Variants in OSBPL3 observed in about 807,000 individuals in gnomAD.
The protein encoded by OSBPL3 is oxysterol binding protein like 3.
Under a neutral mutation model 120.1 loss-of-function variants are expected in OSBPL3, and 65 were observed. That is an observed-to-expected ratio of 0.54 (90% CI 0.44 to 0.67). The LOEUF is 0.67. OSBPL3 is among the 30% of genes least tolerant of loss of function. The pLI is 0.00. For synonymous variants in OSBPL3, 416 were observed against 402.6 expected (o/e 1.03, Z -0.40); for missense variants, 1,004 against 1,082.1 (o/e 0.93, Z 1.01).
rs759106480 is a variant in OSBPL3, at chr7:24,834,510, C to G, written c.1722G>C (p.Gln574His). 1.2e-6 allele frequency: 2 copies of G among 1,612,268 alleles called. No homozygotes were observed. Among genetic ancestry groups the G allele is most frequent in the Admixed American group, 3.3e-5 (2 of 59,880 alleles). Residue 574 changes from glutamine to histidine, a missense_variant, in exon 15 of 23, where the codon CAG becomes CAC. By Grantham distance (24) the Gln-to-His change is conservative. Coordinates refer to ENST00000313367, the MANE Select transcript of OSBPL3 (RefSeq NM_015550.4). This position sits in a 1 kb window ranked among gnomAD's most constrained non-coding sequence, Gnocchi z 5.2. The part of the protein sequence containing the change: ...EYSELLDKAA[Q>H]IPSPLERMVY... ...CCATCCTTTCCAGGGGGCTGGGAATCTGCGCGGCCTTGTCCAGGAGCTCGC... is the reference window on the plus strand; with the variant it reads ...CCATCCTTTCCAGGGGGCTGGGAATGTGCGCGGCCTTGTCCAGGAGCTCGC...
intron 1 of OSBPL3, among the ~76,000 whole-genome samples, chr7:24,925,204 G>A (rs1230153722): frequency 1.3e-5 from 2 of 152,270 alleles, no homozygotes; most frequent in African/African-American, 2.4e-5. Flanking sequence ...CAGGCCTACC[G>A]CTGTGATAAC....
chr7:24,832,459 GA>G (rs1562792160), intron 15 of OSBPL3, among the ~76,000 whole-genome samples: 1 of 143,710 alleles, frequency 7.0e-6, no homozygotes, highest in African/African-American at 2.5e-5. Context: ...GCAGTGAGCC[GA>G]GATTGTGCCA....
In OSBPL3 at chr7:24,808,877, G is replaced by A. The variant is rs1383678767; in HGVS notation, c.2317+930C>T. Among the ~76,000 whole-genome samples the A allele has an allele frequency of 6.6e-6, 1 of 152,312 alleles. No homozygotes were observed. Among genetic ancestry groups the A allele is most frequent in the South Asian group, 2.1e-4 (1 of 4,822 alleles). On this transcript the variant is annotated intron_variant, in intron 20 of 22. Coordinates refer to ENST00000313367, the MANE Select transcript of OSBPL3 (RefSeq NM_015550.4). The surrounding 1 kb of genome is among the most constrained non-coding windows in gnomAD (Gnocchi z 4.6). The stretch of plus-strand genomic sequence containing the variant: ...AATGTTCCTGAGAAAAGAGAGGCAC[G>A]AGAGAGGAAAGCTCTTTTGTCCTCT...
intron 1 of OSBPL3, among the ~76,000 whole-genome samples, chr7:24,897,569 C>T (rs7782280): frequency 0.018 from 2,748 of 152,110 alleles, 87 homozygotes; most frequent in African/African-American, 0.062. Flanking sequence ...TCGTGATCCG[C>T]CCGCCTCGGC....
In OSBPL3 at chr7:24,938,936, A is replaced by G. The variant is rs1390948291; in HGVS notation, c.-150+40950T>C. On this transcript the variant is annotated intron_variant, in intron 1 of 22. Transcript: ENST00000313367. The surrounding 1 kb of genome is among the most constrained non-coding windows in gnomAD (Gnocchi z 5.8). Reference sequence around the variant, plus strand: ...GCAACATTATTTGACATAGTAAATGATGTGATTAATTAAGATGCAGAACAC... The same window carrying G: ...GCAACATTATTTGACATAGTAAATGGTGTGATTAATTAAGATGCAGAACAC... Among the ~76,000 whole-genome samples, 1 of 152,042 alleles carries G rather than the reference A, an allele frequency of 6.6e-6. No individual in the cohort carries two copies. The highest frequency in any genetic ancestry group is 1.5e-5 in the Non-Finnish European group (1 of 68,006).
Position 24,827,951 on chromosome 7 carries a change from T to C in OSBPL3, c.1884+2817A>G, listed in dbSNP as rs1177020550. Among the ~76,000 whole-genome samples the C allele has an allele frequency of 6.6e-6, 1 of 152,242 alleles. No homozygotes were observed. Among genetic ancestry groups the C allele is most frequent in the African/African-American group, 2.4e-5 (1 of 41,470 alleles). ...CATAAGAAAGTATATATTATAGATA[T>C]ATGCCTTTCTAGTTTTCTTTCATCA... is the stretch of plus-strand genomic sequence containing the variant. On this transcript the variant is annotated intron_variant, in intron 16 of 22. Transcript: ENST00000313367. This position sits in a 1 kb window ranked among gnomAD's most constrained non-coding sequence, Gnocchi z 5.1.
In OSBPL3 at chr7:24,816,542, C is replaced by A. The variant is rs1794494019; in HGVS notation, c.2027+68G>T. The A allele has an allele frequency of 4.7e-6, 5 of 1,053,856 alleles. No individual in the cohort carries two copies. The Admixed American group carries it at 8.7e-5, about 18-fold the overall frequency. 65.3% of individuals were successfully genotyped at this position (1,053,856 alleles called of 1,614,324 possible). A position where few individuals can be genotyped will look rare whatever the true frequency, so the allele number is the denominator to read the frequency against. Reference sequence around the variant, plus strand: ...AACTGCCGGGGGCGGGGGTGGGCATCCTGTCCCCAAAGCAAAATCTTGGCC... The same window carrying A: ...AACTGCCGGGGGCGGGGGTGGGCATACTGTCCCCAAAGCAAAATCTTGGCC... On this transcript the variant is annotated intron_variant, in intron 18 of 22. Coordinates refer to ENST00000313367, the MANE Select transcript of OSBPL3 (RefSeq NM_015550.4).
In OSBPL3 at chr7:24,817,973, T is replaced by G. The variant is rs1794672529; in HGVS notation, c.1949-1285A>C. ...GGCTGCTGCACTGAGGATCTACAGA[T>G]CACAGGGAAATCAGGGTTGAAGCAG... On this transcript the variant is annotated intron_variant, in intron 17 of 22. Transcript: ENST00000313367. This position sits in a 1 kb window ranked among gnomAD's most constrained non-coding sequence, Gnocchi z 4.0. Among the ~76,000 whole-genome samples, 1 of 152,066 alleles carries G rather than the reference T, an allele frequency of 6.6e-6. No individual in the cohort carries two copies. Among genetic ancestry groups the G allele is most frequent in the Non-Finnish European group, 1.5e-5 (1 of 68,018 alleles).
Position 24,952,772 on chromosome 7 carries a change from T to C in OSBPL3, c.-150+27114A>G, listed in dbSNP as rs1157168285. On this transcript the variant is annotated intron_variant, in intron 1 of 22. Coordinates refer to ENST00000313367, the MANE Select transcript of OSBPL3 (RefSeq NM_015550.4). The surrounding 1 kb of genome is among the most constrained non-coding windows in gnomAD (Gnocchi z 4.4). ...CATCAGCTGAATCTATAAACAAGAG[T>C]ACCATCAAGGTTCCCAGATTTAAAA... is the stretch of plus-strand genomic sequence containing the variant. 6.6e-6 allele frequency among the ~76,000 whole-genome samples: 1 copy of C among 152,020 alleles called. No individual in the cohort carries two copies. The highest frequency in any genetic ancestry group is 1.5e-5 in the Non-Finnish European group (1 of 68,014).
Position 24,877,275 on chromosome 7 carries a change from T to TGG in OSBPL3, c.97-5208_97-5207dup, listed in dbSNP as rs1464467053. ...GAGTTAAGAAACAGTGCAGTATGGATGGAGGCAAGTAAGGTCTTCAACCCT... is the reference window on the plus strand; with the variant it reads ...GAGTTAAGAAACAGTGCAGTATGGATGGGGAGGCAAGTAAGGTCTTCAACCCT... On this transcript the variant is annotated intron_variant, in intron 2 of 22. Transcript: ENST00000313367. The surrounding 1 kb of genome is among the most constrained non-coding windows in gnomAD (Gnocchi z 4.8). Among the ~76,000 whole-genome samples the TGG allele has an allele frequency of 6.6e-6, 1 of 152,340 alleles. No individual in the cohort carries two copies. The highest frequency in any genetic ancestry group is 1.9e-4 in the East Asian group (1 of 5,192).
At chr7:24,921,403 T>G (rs1810364131) in intron 1 of OSBPL3, among the ~76,000 whole-genome samples, 1 of 152,218 alleles carries the variant, frequency 6.6e-6, no homozygotes, top group Non-Finnish European at 1.5e-5. Context: ...TCCCAACTTT[T>G]GAGGCTGAGT....
intron 2 of OSBPL3, among the ~76,000 whole-genome samples, chr7:24,885,523 T>C (rs1340269815): frequency 6.6e-6 from 1 of 152,240 alleles, no homozygotes; most frequent in Non-Finnish European, 1.5e-5. Flanking sequence ...GTGAATTGCA[T>C]AATTGTATGG....
At chr7:24,889,601 G>GA (rs1000940968) in intron 2 of OSBPL3, among the ~76,000 whole-genome samples, 7 of 149,358 alleles carry the variant, frequency 4.7e-5, no homozygotes, top group African/African-American at 9.8e-5. Flanking sequence ...CAACAAACCT[G>GA]AAAAAAAAAG....
In OSBPL3 at chr7:24,947,743, A is replaced by T. The variant is rs1813893946; in HGVS notation, c.-150+32143T>A. Among the ~76,000 whole-genome samples the T allele has an allele frequency of 6.6e-6, 1 of 150,554 alleles. No homozygotes were observed. Among genetic ancestry groups the T allele is most frequent in the East Asian group, 1.9e-4 (1 of 5,130 alleles). ...TAATCTGAACACAAGTAATATATGC[A>T]TGTGTATATATGTATACATACATAT... is the stretch of plus-strand genomic sequence containing the variant. On this transcript the variant is annotated intron_variant, in intron 1 of 22. Coordinates refer to ENST00000313367, the MANE Select transcript of OSBPL3 (RefSeq NM_015550.4). This position sits in a 1 kb window ranked among gnomAD's most constrained non-coding sequence, Gnocchi z 4.4.
intron 1 of OSBPL3, among the ~76,000 whole-genome samples, chr7:24,926,078 C>T (rs1007540651): frequency 1.3e-5 from 2 of 152,170 alleles, no homozygotes; most frequent in African/African-American, 4.8e-5. Flanking sequence ...CTAGGTATGC[C>T]GTGGTCATTG....
At position 24,818,750 on chromosome 7, in the gene OSBPL3, G is replaced by GT; in HGVS notation, c.1948+1424dup. On this transcript the variant is annotated intron_variant, in intron 17 of 22. Coordinates refer to ENST00000313367, the MANE Select transcript of OSBPL3 (RefSeq NM_015550.4). This position sits in a 1 kb window ranked among gnomAD's most constrained non-coding sequence, Gnocchi z 4.0. ...TCTACAATCACAACAAACGGAAATG[G>GT]TTTACACAACCTACATAAAAGGCAG... Among the ~76,000 whole-genome samples, 1 of 152,234 alleles carries GT rather than the reference G, an allele frequency of 6.6e-6. No homozygotes were observed. The highest frequency in any genetic ancestry group is 1.9e-4 in the East Asian group (1 of 5,188).
At chr7:24,917,214 C>G (rs1377510483) in intron 1 of OSBPL3, among the ~76,000 whole-genome samples, 1 of 151,796 alleles carries the variant, frequency 6.6e-6, no homozygotes, top group Non-Finnish European at 1.5e-5. Flanking sequence ...CCTCCTGCCT[C>G]TTCCTTGTTC....
chr7:24,855,713 A>G lies in OSBPL3; in HGVS notation c.1028-3079T>C, dbSNP rs1328189268. On this transcript the variant is annotated intron_variant, in intron 10 of 22. Transcript: ENST00000313367. This position sits in a 1 kb window ranked among gnomAD's most constrained non-coding sequence, Gnocchi z 4.3. Reference sequence around the variant, plus strand: ...ATTGTTTAAGACACAGGATCCCAAAAGTCAGGAACACTCTCTGTGATAGGA... The same window carrying G: ...ATTGTTTAAGACACAGGATCCCAAAGGTCAGGAACACTCTCTGTGATAGGA... Among the ~76,000 whole-genome samples the G allele has an allele frequency of 1.3e-5, 2 of 152,212 alleles. No homozygotes were observed. Among genetic ancestry groups the G allele is most frequent in the African/African-American group, 2.4e-5 (1 of 41,446 alleles).
At chr7:24,865,993 A>C in intron 6 of OSBPL3, 77 bp downstream of exon 6, 2 of 1,220,410 alleles carry the variant, frequency 1.6e-6, no homozygotes, top group Non-Finnish European at 2.4e-6. Context: ...CCTTCTTCGG[A>C]CTCAGCTCCC....
Sources: gnomAD v4.1 joint callset for allele counts (sites outside exome capture counted in the v4.1 genomes callset) on GRCh38, gnomAD v4.1.1 for gene constraint, Gnocchi (gnomAD v3.1) non-coding constraint, MANE v1.5 for transcripts, NCBI Gene and HGNC (gene_info 2026-07-23, HGNC 2026-07-21) for gene names.